The following TBC1D1 variants were observed in gnomAD, a reference collection of about 807,000 sequenced individuals.
TBC1D1 encodes TBC1 (tre-2/USP6, BUB2, cdc16) domain family, member 1.
In TBC1D1, 89 loss-of-function variants were observed where a neutral mutation model predicts 125.6. That is an observed-to-expected ratio of 0.71 (90% CI 0.60 to 0.85). TBC1D1 has a LOEUF of 0.85. Ranked by LOEUF, TBC1D1 falls within the 40% of genes least tolerant of loss-of-function variation. The pLI is 0.00. For missense variants in TBC1D1, 1,377 were observed against 1,469.2 expected (o/e 0.94, Z 1.03); for synonymous variants, 565 against 564.1 (o/e 1.00, Z -0.02).
chr4:38,088,718 T>C (rs1177882574), intron 12 of TBC1D1, among the ~76,000 whole-genome samples: 2 of 152,160 alleles, frequency 1.3e-5, no homozygotes. Flanking sequence ...TCAGTCTCTT[T>C]ACCACCACTC....
At chr4:38,104,498 G>A (rs1760929811) in intron 15 of TBC1D1, among the ~76,000 whole-genome samples, 1 of 152,220 alleles carries the variant, frequency 6.6e-6, no homozygotes, top group Admixed American at 6.5e-5. Context: ...GGCTCGATGT[G>A]GTAGGAGATG....
intron 2 of TBC1D1, among the ~76,000 whole-genome samples, chr4:37,953,169 T>C (rs1728237961): frequency 6.6e-6 from 1 of 152,242 alleles, no homozygotes; most frequent in Non-Finnish European, 1.5e-5. Flanking sequence ...GAATGCTAAA[T>C]TTTGGAATAC....
Position 38,096,063 on chromosome 4 carries a change from GA to G in TBC1D1, c.2377del (p.Met793CysfsTer21). ...AAGATCAAAAATTAAGTTTGACATG[GA>G]AAAAATGCACTCGGCTGTTGGGCAA... On this transcript the variant is annotated frameshift_variant, in exon 14 of 20. Coordinates refer to ENST00000261439, the MANE Select transcript of TBC1D1 (RefSeq NM_015173.4). LOFTEE classifies it high-confidence loss of function. 3 of 1,612,784 alleles carry G rather than the reference GA, an allele frequency of 1.9e-6. No individual in the cohort carries two copies. Among genetic ancestry groups the G allele is most frequent in the South Asian group, 1.1e-5 (1 of 90,896 alleles).
chr4:37,896,334 G>A (rs116327765), intron 1 of TBC1D1, among the ~76,000 whole-genome samples: 1,687 of 152,238 alleles, frequency 0.011, 37 homozygotes, highest in African/African-American at 0.039. Context: ...AGGAGTGGAG[G>A]GGGCTGGGAA....
intron 12 of TBC1D1, among the ~76,000 whole-genome samples, chr4:38,064,928 A>G (rs1156795024): frequency 1.4e-5 from 2 of 143,250 alleles, no homozygotes; most frequent in African/African-American, 5.2e-5. Context: ...CCCAGCCTAC[A>G]TTTCTTTTTT....
chr4:38,012,288 G>C (rs1741669332), intron 2 of TBC1D1, among the ~76,000 whole-genome samples: 1 of 152,074 alleles, frequency 6.6e-6, no homozygotes, highest in Admixed American at 6.5e-5. Flanking sequence ...TGTTGTTGTT[G>C]TTGTTTTTTG....
chr4:38,014,378 C>A lies in TBC1D1; in HGVS notation c.418-131C>A. 1.2e-6 allele frequency: 1 copy of A among 813,440 alleles called. No homozygotes were observed. Among genetic ancestry groups the A allele is most frequent in the East Asian group, 2.6e-5 (1 of 38,026 alleles). The allele number at this position is 813,440 out of a possible 1,614,324, so 50.4% of individuals were successfully genotyped here. A position where few individuals can be genotyped will look rare whatever the true frequency, so the allele number is the denominator to read the frequency against. On this transcript the variant is annotated intron_variant, in intron 2 of 19. Transcript: ENST00000261439. The surrounding 1 kb of genome is among the most constrained non-coding windows in gnomAD (Gnocchi z 5.1). ...TAGTCCCCTCCCGTGGGCTCCTCCT[C>A]CAGTGGGCTCCTCCTCCAGTGCTCC...
At chr4:37,936,896 A>G (rs961266536) in intron 2 of TBC1D1, among the ~76,000 whole-genome samples, 2 of 152,214 alleles carry the variant, frequency 1.3e-5, no homozygotes, top group Non-Finnish European at 2.9e-5. Context: ...GAATGAACAA[A>G]TTGTAGGTCA....
intron 2 of TBC1D1, among the ~76,000 whole-genome samples, chr4:38,004,536 T>A (rs751119163): frequency 1.2e-4 from 19 of 152,340 alleles, no homozygotes; most frequent in Non-Finnish European, 2.4e-4. Context: ...TTTCTTTTTG[T>A]ACAGTGTTTG....
At chr4:38,045,972 A>ACCTCCAAT (rs1560683470) in intron 10 of TBC1D1, 69 bp downstream of exon 10, 1 of 1,331,536 alleles carries the variant, frequency 7.5e-7, no homozygotes, top group East Asian at 2.3e-5. Flanking sequence ...TCTCCTGTCT[A>ACCTCCAAT]CATACCTCCA....
intron 2 of TBC1D1, among the ~76,000 whole-genome samples, chr4:37,973,063 C>T (rs1300914719): frequency 1.3e-4 from 20 of 152,148 alleles, no homozygotes; most frequent in Admixed American, 1.2e-3. Context: ...TAAGAGCTGT[C>T]ACGTATATTT....
At position 38,020,576 on chromosome 4, in the gene TBC1D1, C is replaced by T. The variant is rs375820043; in HGVS notation, c.973-15C>T. On this transcript the variant is annotated splice_polypyrimidine_tract_variant and intron_variant, in intron 4 of 19. Coordinates refer to ENST00000261439, the MANE Select transcript of TBC1D1 (RefSeq NM_015173.4). ...TCTGGATACAACTGAACATCTCGTT[C>T]TCTCCCTTTGGCAGGGCATCAGACA... 2 of 1,608,668 alleles carry T rather than the reference C, an allele frequency of 1.2e-6. No individual in the cohort carries two copies. The highest frequency in any genetic ancestry group is 1.3e-5 in the African/African-American group (1 of 74,798).
At chr4:38,022,276 G>C (rs1358309808) in intron 6 of TBC1D1, among the ~76,000 whole-genome samples, 2 of 152,210 alleles carry the variant, frequency 1.3e-5, no homozygotes, top group Non-Finnish European at 2.9e-5. Context: ...GTTATGATTT[G>C]TAGCTAACGT....
chr4:37,971,361 T>C (rs1349104346), intron 2 of TBC1D1, among the ~76,000 whole-genome samples: 1 of 152,110 alleles, frequency 6.6e-6, no homozygotes, highest in East Asian at 1.9e-4. Context: ...AAAATCATGG[T>C]AGAAGGCAAG....
At chr4:37,949,512 C>A (rs1402498634) in intron 2 of TBC1D1, among the ~76,000 whole-genome samples, 1 of 152,222 alleles carries the variant, frequency 6.6e-6, no homozygotes, top group Non-Finnish European at 1.5e-5. Context: ...TGCGTACTGG[C>A]AGCTTCTCAT....
rs181616061 is a variant in TBC1D1, at chr4:37,975,505, G to A, written c.418-39004G>A. 8.1e-4 allele frequency among the ~76,000 whole-genome samples: 124 copies of A among 152,232 alleles called. 1 individual carries two copies. The highest frequency in any genetic ancestry group is 2.8e-3 in the African/African-American group (117 of 41,538). ...AGTAGAGTCTTCTCTAAACTCCCCC[G>A]GGGAAAGGGAGACTCCCATTCCCGG... On this transcript the variant is annotated intron_variant, in intron 2 of 19. Transcript: ENST00000261439.
At chr4:38,042,905 T>C (rs1334445169) in intron 8 of TBC1D1, among the ~76,000 whole-genome samples, 1 of 152,152 alleles carries the variant, frequency 6.6e-6, no homozygotes, top group Non-Finnish European at 1.5e-5. Flanking sequence ...TTTGCTTGTG[T>C]GTGTTTGTAT....
At chr4:37,919,565 CAT>C (rs1430972362) in intron 2 of TBC1D1, among the ~76,000 whole-genome samples, 1 of 151,988 alleles carries the variant, frequency 6.6e-6, no homozygotes, top group Non-Finnish European at 1.5e-5. Flanking sequence ...ATTTAAGACT[CAT>C]ATGTGATCAC....
At chr4:38,097,311 C>T (rs1340301837) in intron 14 of TBC1D1, among the ~76,000 whole-genome samples, 5 of 150,892 alleles carry the variant, frequency 3.3e-5, no homozygotes, top group South Asian at 2.1e-4. Context: ...TACAGGCGCC[C>T]GGCACCATGC....
Sources: gnomAD v4.1 joint callset for allele counts (sites outside exome capture counted in the v4.1 genomes callset) on GRCh38, gnomAD v4.1.1 for gene constraint, Gnocchi (gnomAD v3.1) non-coding constraint, MANE v1.5 for transcripts, NCBI Gene and HGNC (gene_info 2026-07-23, HGNC 2026-07-21) for gene names.